The following STRIP2 variants were observed in gnomAD, a reference collection of about 807,000 sequenced individuals.
STRIP2 encodes striatin-interacting protein 2.
In STRIP2, 84 loss-of-function variants were observed where a neutral mutation model predicts 107.1. The ratio of observed to expected loss-of-function variants is 0.78; its 90% CI spans 0.66 to 0.94. The LOEUF is 0.94. Ranked by LOEUF, STRIP2 falls within the 40% of genes least tolerant of loss-of-function variation. The pLI is 0.00. For synonymous variants in STRIP2, 394 were observed against 400.4 expected, an observed-to-expected ratio of 0.98 and a Z score of 0.19; for missense variants, 888 against 1,034.2, an observed-to-expected ratio of 0.86 and a Z score of 1.94.
At chr7:129,477,125 G>A (rs1285627713) in intron 18 of STRIP2, among the ~76,000 whole-genome samples, 2 of 148,912 alleles carry the variant, frequency 1.3e-5, no homozygotes, top group East Asian at 2.0e-4. Context: ...GATGGCAGCA[G>A]TACAGTCCAG....
At chr7:129,446,658 C>T (rs978297809) in intron 3 of STRIP2, among the ~76,000 whole-genome samples, 3 of 152,156 alleles carry the variant, frequency 2.0e-5, no homozygotes, top group African/African-American at 2.4e-5. Flanking sequence ...CCTCTGTCAA[C>T]TTATAGGGAG....
chr7:129,436,602 C>T (rs1482593708), intron 1 of STRIP2, among the ~76,000 whole-genome samples: 1 of 152,232 alleles, frequency 6.6e-6, no homozygotes. Context: ...TGCAGCAGGA[C>T]TCCTTTTACC....
chr7:129,457,207 A>G (rs1208107563), intron 9 of STRIP2, among the ~76,000 whole-genome samples: 1 of 152,206 alleles, frequency 6.6e-6, no homozygotes, highest in Admixed American at 6.5e-5. Context: ...CTGAGCAAAC[A>G]TCATAGAGTG....
intron 18 of STRIP2, among the ~76,000 whole-genome samples, chr7:129,474,937 A>G (rs190425624): frequency 6.6e-6 from 1 of 152,348 alleles, no homozygotes; most frequent in East Asian, 1.9e-4. Flanking sequence ...TTAATTTCTG[A>G]AGTATTCCCA....
chr7:129,445,126 C>T (rs1562896008), intron 3 of STRIP2, among the ~76,000 whole-genome samples: 2 of 152,084 alleles, frequency 1.3e-5, no homozygotes. Flanking sequence ...ATTTGTAGTC[C>T]TGCCTGGATT....
chr7:129,437,811 G>C (rs822983), intron 1 of STRIP2, among the ~76,000 whole-genome samples: 1 of 126,956 alleles, frequency 7.9e-6, no homozygotes, highest in South Asian at 2.6e-4. Flanking sequence ...GTTTTTTTTT[G>C]TTTTTTTTTT....
rs77362184 is a variant in STRIP2 at position 129,460,989 on chromosome 7, T to C, written c.1476+617T>C. ...CAGGGGAGTGATATGATCTGATTTA[T>C]GTTTCTAAAAACATTAGCTTCTGTG... On this transcript the variant is annotated intron_variant, in intron 13 of 20. Transcript: ENST00000249344. 7.7e-4 allele frequency among the ~76,000 whole-genome samples: 118 copies of C among 152,386 alleles called. 3 individuals are homozygous for C. In the East Asian group the frequency reaches 0.021, roughly 28 times the overall value.
At position 129,440,035 on chromosome 7, in the gene STRIP2, G is replaced by A; in HGVS notation, c.143G>A (p.Cys48Tyr). 1 of 1,614,162 alleles carries A rather than the reference G, an allele frequency of 6.2e-7. No individual in the cohort carries two copies. Among genetic ancestry groups the A allele is most frequent in the East Asian group, 2.2e-5 (1 of 44,880 alleles). Residue 48 changes from cysteine (C) to tyrosine (Y), a missense_variant, in exon 2 of 21, where the codon TGT becomes TAT. Physicochemically the swap from Cys to Tyr is radical, Grantham distance 194. Coordinates refer to ENST00000249344, the MANE Select transcript of STRIP2 (RefSeq NM_020704.3). ...QRRESEGSVDCPTLEFEYGDA... is the reference protein window; with the variant it reads ...QRRESEGSVDYPTLEFEYGDA... ...TCTCTGTTACAGGGCTCTGTGGACT[G>A]TCCCACTCTGGAGTTTGAGTATGGA...
intron 8 of STRIP2, 93 bp from the exon 9 acceptor site, chr7:129,456,345 TG>T: frequency 9.1e-7 from 1 of 1,098,474 alleles, no homozygotes; most frequent in Non-Finnish European, 1.4e-6. Flanking sequence ...CTGGAGGTTG[TG>T]GCCCTTTCTT....
chr7:129,464,213 A>G, intron 15 of STRIP2, 72 bp downstream of exon 15: 1 of 1,110,726 alleles, frequency 9.0e-7, no homozygotes, highest in East Asian at 2.4e-5. Context: ...GTCCCCACTC[A>G]CCTTGTTAAC....
Position 129,456,474 on chromosome 7 carries a change from C to G in STRIP2, c.870C>G (p.Leu290=), listed in dbSNP as rs1291418856. Residue 290 remains leucine (L), a synonymous_variant, in exon 9 of 21, where the codon CTC becomes CTG. Coordinates refer to ENST00000249344, the MANE Select transcript of STRIP2 (RefSeq NM_020704.3). ...TLGGFEHLQT[L]KVQKRAELGL... is the part of the protein sequence containing the mutation. ...GTGGATTTGAGCATCTGCAGACTCT[C>G]AAAGTACAGAAGCGGGCAGAATTGG... 2.5e-6 allele frequency: 4 copies of G among 1,614,012 alleles called. No homozygotes were observed. The highest frequency in any genetic ancestry group is 1.7e-5 in the Admixed American group (1 of 60,004).
intron 6 of STRIP2, 67 bp from the exon 7 acceptor site, chr7:129,454,354 T>A (rs581829): frequency 1.4e-6 from 2 of 1,460,224 alleles, no homozygotes; most frequent in South Asian, 1.1e-5. Flanking sequence ...AGAGACCATC[T>A]CTGAGGTCTG....
intron 1 of STRIP2, among the ~76,000 whole-genome samples, chr7:129,434,991 G>T (rs531468537): frequency 6.6e-6 from 1 of 152,370 alleles, no homozygotes; most frequent in African/African-American, 2.4e-5. Flanking sequence ...GTGGGAGGCT[G>T]GAGCTCAGCC....
In STRIP2 at chr7:129,458,926, T is replaced by C; in HGVS notation, c.1340+149T>C. On this transcript the variant is annotated intron_variant, in intron 11 of 20. Transcript: ENST00000249344. The surrounding 1 kb of genome is among the most constrained non-coding windows in gnomAD (Gnocchi z 4.6). ...ACAACTCCCAGTGACTACTTTGGGT[T>C]CTTTCTATGGATTTCTTTTTTCCTT... The C allele has an allele frequency of 3.0e-6, 2 of 667,128 alleles. No homozygotes were observed. Among genetic ancestry groups the C allele is most frequent in the South Asian group, 2.2e-5 (1 of 45,782 alleles). The allele number at this position is 667,128 out of a possible 1,614,324, so 41.3% of individuals were successfully genotyped here. A position where few individuals can be genotyped will look rare whatever the true frequency, so the allele number is the denominator to read the frequency against.
Position 129,461,079 on chromosome 7 carries a change from G to A in STRIP2, c.1476+707G>A, listed in dbSNP as rs990886620. On this transcript the variant is annotated intron_variant, in intron 13 of 20. Coordinates refer to ENST00000249344, the MANE Select transcript of STRIP2 (RefSeq NM_020704.3). This position sits in a 1 kb window ranked among gnomAD's most constrained non-coding sequence, Gnocchi z 4.0. ...GATTAGTTAGAAAACCCTTGAAATAGTCAAGGTGAGAGATGATGCCGACCT... is the reference window on the plus strand; with the variant it reads ...GATTAGTTAGAAAACCCTTGAAATAATCAAGGTGAGAGATGATGCCGACCT... Among the ~76,000 whole-genome samples, 1 of 152,222 alleles carries A rather than the reference G, an allele frequency of 6.6e-6. No individual in the cohort carries two copies. Among genetic ancestry groups the A allele is most frequent in the African/African-American group, 2.4e-5 (1 of 41,466 alleles).
intron 2 of STRIP2, among the ~76,000 whole-genome samples, chr7:129,441,116 A>G (rs562518701): frequency 3.3e-5 from 5 of 152,272 alleles, no homozygotes; most frequent in African/African-American, 1.2e-4. Flanking sequence ...CAAATGGTCA[A>G]TAAATATATG....
Position 129,480,863 on chromosome 7 carries a change from A to G in STRIP2, c.2023A>G (p.Thr675Ala). 1 of 1,613,646 alleles carries G rather than the reference A, an allele frequency of 6.2e-7. No homozygotes were observed. The highest frequency in any genetic ancestry group is 8.5e-7 in the Non-Finnish European group (1 of 1,179,850). Reference sequence around the variant, plus strand: ...CCTCCTGAGGCTGCTCAATAAACTGACCAAATGGAAACATTCCCGGACCAT... The same window carrying G: ...CCTCCTGAGGCTGCTCAATAAACTGGCCAAATGGAAACATTCCCGGACCAT... Reference protein sequence around the residue: ...INLLRLLNKLTKWKHSRTMML... With the variant: ...INLLRLLNKLAKWKHSRTMML... Residue 675 changes from threonine (T) to alanine (A), a missense_variant, in exon 19 of 21, where the codon ACC (threonine) becomes GCC (alanine). Physicochemically the swap from Thr to Ala is moderately conservative, Grantham distance 58 (BLOSUM62 0). Coordinates refer to ENST00000249344, the MANE Select transcript of STRIP2 (RefSeq NM_020704.3).
At chr7:129,435,595 G>A (rs1797714422) in intron 1 of STRIP2, among the ~76,000 whole-genome samples, 1 of 152,050 alleles carries the variant, frequency 6.6e-6, no homozygotes. Flanking sequence ...TGTGATTTTC[G>A]GCACATTACG....
intron 18 of STRIP2, among the ~76,000 whole-genome samples, chr7:129,472,992 G>A (rs1035573185): frequency 1.3e-5 from 2 of 151,254 alleles, no homozygotes; most frequent in East Asian, 3.9e-4. Context: ...TCATCATGTT[G>A]GCCAGGCTGG....
Sources: gnomAD v4.1 joint callset for allele counts (sites outside exome capture counted in the v4.1 genomes callset) on GRCh38, gnomAD v4.1.1 for gene constraint, Gnocchi (gnomAD v3.1) non-coding constraint, MANE v1.5 for transcripts, NCBI Gene and HGNC (gene_info 2026-07-23, HGNC 2026-07-21) for gene names.